Variants in IMMP2L observed in about 807,000 individuals in gnomAD.
IMMP2L encodes inner mitochondrial membrane peptidase subunit 2.
Under a neutral mutation model 19.3 loss-of-function variants are expected in IMMP2L, and 18 were observed. The observed-to-expected ratio is 0.93, with a 90% CI of 0.64 to 1.38. The LOEUF (loss-of-function observed/expected upper bound fraction) is 1.38, where lower values mean the gene tolerates loss of function less well. Among genes scored for constraint, IMMP2L ranks in the 40% most tolerant of loss-of-function variants. IMMP2L has a pLI of 0.00. For synonymous variants in IMMP2L, 76 were observed against 73.0 expected, an observed-to-expected ratio of 1.04 and a Z score of -0.21; for missense variants, 233 against 218.2, an observed-to-expected ratio of 1.07 and a Z score of -0.43.
At chr7:110,815,806 G>A (rs1018398634) in intron 5 of IMMP2L, among the ~76,000 whole-genome samples, 1 of 151,970 alleles carries the variant, frequency 6.6e-6, no homozygotes, top group Non-Finnish European at 1.5e-5. Flanking sequence ...TGGGATCGGT[G>A]GTGATATCCC....
chr7:111,486,058 A>G (rs1842630136), intron 3 of IMMP2L, among the ~76,000 whole-genome samples: 2 of 152,182 alleles, frequency 1.3e-5, no homozygotes, highest in Admixed American at 6.5e-5. Context: ...GGAGGTTGCA[A>G]AAATAGTACT....
At position 111,176,674 on chromosome 7, in the gene IMMP2L, T is replaced by G. The variant is rs550743730; in HGVS notation, c.240-213109A>C. 2.0e-5 allele frequency among the ~76,000 whole-genome samples: 3 copies of G among 152,108 alleles called. No homozygotes were observed. The East Asian group carries it at 5.8e-4, about 30-fold the overall frequency. ...AGGATGGTTAATGGATACAAAAATATAGTTTAATAGAATGAATAAAATCTA... is the reference window on the plus strand; with the variant it reads ...AGGATGGTTAATGGATACAAAAATAGAGTTTAATAGAATGAATAAAATCTA... On this transcript the variant is annotated intron_variant, in intron 3 of 5. Transcript: ENST00000405709.
intron 5 of IMMP2L, among the ~76,000 whole-genome samples, chr7:110,854,443 T>A (rs1021756992): frequency 6.6e-6 from 1 of 151,910 alleles, no homozygotes; most frequent in South Asian, 2.1e-4. Flanking sequence ...TCTTTTAAAG[T>A]GTTCCACATT....
intron 5 of IMMP2L, among the ~76,000 whole-genome samples, chr7:110,676,700 A>G (rs1792323961): frequency 1.3e-5 from 2 of 152,184 alleles, no homozygotes; most frequent in South Asian, 4.1e-4. Flanking sequence ...TTCCATAATC[A>G]CTGATGATAT....
intron 4 of IMMP2L, chr7:110,963,076 A>C: frequency 1.3e-6 from 2 of 1,506,166 alleles, no homozygotes; most frequent in East Asian, 4.9e-5. Context: ...TATCCTTTTC[A>C]GTTTTCTCCC....
intron 3 of IMMP2L, among the ~76,000 whole-genome samples, chr7:111,263,785 T>C (rs926429833): frequency 6.6e-6 from 1 of 152,048 alleles, no homozygotes; most frequent in African/African-American, 2.4e-5. Context: ...CTAGGGAAAT[T>C]AGTGAAACAC....
At chr7:110,868,107 C>G (rs1299113540) in intron 5 of IMMP2L, among the ~76,000 whole-genome samples, 2 of 87,088 alleles carry the variant, frequency 2.3e-5, no homozygotes, top group Non-Finnish European at 4.8e-5. Flanking sequence ...ATACCAGGTT[C>G]TTGTGAGGTT....
intron 3 of IMMP2L, among the ~76,000 whole-genome samples, chr7:111,102,887 AT>A (rs935401441): frequency 5.3e-5 from 8 of 151,452 alleles, no homozygotes; most frequent in Middle Eastern, 3.2e-3. Context: ...TTGTAAACTT[AT>A]TTTTTTAAAC....
chr7:110,809,796 T>G (rs563847126), intron 5 of IMMP2L, among the ~76,000 whole-genome samples: 1 of 152,134 alleles, frequency 6.6e-6, no homozygotes, highest in East Asian at 1.9e-4. Context: ...ACAAAGCAAT[T>G]CATTAGGCAA....
intron 3 of IMMP2L, among the ~76,000 whole-genome samples, chr7:111,446,747 T>C (rs922377737): frequency 2.0e-5 from 3 of 152,136 alleles, no homozygotes; most frequent in Non-Finnish European, 4.4e-5. Context: ...CTTCAGACGA[T>C]CAAATTACTC....
intron 4 of IMMP2L, among the ~76,000 whole-genome samples, chr7:110,941,144 C>T (rs555859234): frequency 6.6e-6 from 1 of 152,248 alleles, no homozygotes; most frequent in African/African-American, 2.4e-5. Flanking sequence ...GTGGTTTGTG[C>T]ATTTCGCATC....
rs1231469430 is a variant in IMMP2L at position 111,309,852 on chromosome 7, T to C, written c.239+177386A>G. On this transcript the variant is annotated intron_variant, in intron 3 of 5. Coordinates refer to ENST00000405709, the MANE Select transcript of IMMP2L (RefSeq NM_032549.4). ...TCCCATTACTATTACTATTCATGTA[T>C]TACTATTTTAGAGATTTTAAAATAT... Among the ~76,000 whole-genome samples the C allele has an allele frequency of 2.6e-5, 4 of 152,290 alleles. No homozygotes were observed. The East Asian group carries it at 7.7e-4, about 29-fold the overall frequency.
intron 3 of IMMP2L, among the ~76,000 whole-genome samples, chr7:111,005,750 C>T (rs1239253974): frequency 6.6e-6 from 1 of 152,068 alleles, no homozygotes; most frequent in Non-Finnish European, 1.5e-5. Flanking sequence ...ATGACAATTA[C>T]CCCTTCAGGA....
intron 3 of IMMP2L, among the ~76,000 whole-genome samples, chr7:110,993,740 C>A (rs547010758): frequency 6.6e-6 from 1 of 152,122 alleles, no homozygotes; most frequent in East Asian, 1.9e-4. Context: ...CCAAATAATT[C>A]ACCTCTCTCC....
chr7:111,403,000 CCCCA>C (rs1290647663), intron 3 of IMMP2L, among the ~76,000 whole-genome samples: 3 of 104,120 alleles, frequency 2.9e-5, no homozygotes, highest in African/African-American at 1.2e-4. Context: ...GACCCCCCCC[CCCCA>C]CCCCGCCAGG....
At chr7:111,134,834 G>C (rs1802181350) in intron 3 of IMMP2L, among the ~76,000 whole-genome samples, 1 of 151,958 alleles carries the variant, frequency 6.6e-6, no homozygotes. Context: ...ACTCTAAAAA[G>C]ACCTCTTTAA....
chr7:110,693,939 T>C (rs1411107822), intron 5 of IMMP2L, among the ~76,000 whole-genome samples: 1 of 152,100 alleles, frequency 6.6e-6, no homozygotes, highest in African/African-American at 2.4e-5. Flanking sequence ...TGGGAGGCCA[T>C]GTGTTGGTGA....
At chr7:110,745,509 A>G (rs1487875364) in intron 5 of IMMP2L, among the ~76,000 whole-genome samples, 2 of 152,224 alleles carry the variant, frequency 1.3e-5, no homozygotes, top group African/African-American at 4.8e-5. Context: ...GAGAAACGTC[A>G]GGTTACCCAC....
At chr7:111,331,947 T>C (rs1186173632) in intron 3 of IMMP2L, among the ~76,000 whole-genome samples, 1 of 151,846 alleles carries the variant, frequency 6.6e-6, no homozygotes, top group Non-Finnish European at 1.5e-5. Flanking sequence ...AAAAAACTAA[T>C]AGTATACATA....
Sources: gnomAD v4.1 joint callset for allele counts (sites outside exome capture counted in the v4.1 genomes callset) on GRCh38, gnomAD v4.1.1 for gene constraint, MANE v1.5 for transcripts, NCBI Gene and HGNC (gene_info 2026-07-23, HGNC 2026-07-21) for gene names.